Variants in MAF observed in about 807,000 individuals in gnomAD.
MAF encodes the protein MAF bZIP transcription factor.
In MAF, 10 loss-of-function variants were observed where a neutral mutation model predicts 22.0. The ratio of observed to expected loss-of-function variants is 0.45; its 90% CI spans 0.28 to 0.77. The LOEUF (loss-of-function observed/expected upper bound fraction) is 0.77, where lower values mean the gene tolerates loss of function less well. Ranked by LOEUF, MAF falls within the 30% of genes least tolerant of loss-of-function variation. MAF has a pLI of 0.12. For missense variants in MAF, 544 were observed against 548.4 expected (o/e 0.99, Z 0.08); for synonymous variants, 337 against 255.8 (o/e 1.32, Z -3.03).
the MAF span, among the ~76,000 whole-genome samples, chr16:79,292,597 C>T: frequency 4.6e-5 from 7 of 152,148 alleles, no homozygotes; most frequent in Non-Finnish European, 7.4e-5. Context: ...GCATTTGAAC[C>T]AGGCAACTCC....
chr16:79,479,503 G>A, the MAF span, among the ~76,000 whole-genome samples: 1 of 152,206 alleles, frequency 6.6e-6, no homozygotes, highest in Non-Finnish European at 1.5e-5. Context: ...ATTTGTCAGG[G>A]CGGGGCCATC....
At chr16:79,269,902 A>T in the MAF span, among the ~76,000 whole-genome samples, 2 of 152,196 alleles carry the variant, frequency 1.3e-5, no homozygotes, top group Admixed American at 6.5e-5. Flanking sequence ...AAGGTCTTGC[A>T]TATTTCCATA....
chr16:79,239,000 G>A, the MAF span, among the ~76,000 whole-genome samples: 3 of 151,942 alleles, frequency 2.0e-5, no homozygotes, highest in Non-Finnish European at 2.9e-5. Context: ...TGTCCTCACC[G>A]TGCTGGCTAC....
chr16:79,551,227 T>C, the MAF span, among the ~76,000 whole-genome samples: 4 of 152,028 alleles, frequency 2.6e-5, no homozygotes, highest in South Asian at 8.3e-4. Flanking sequence ...GGAGTCAGAC[T>C]CCCCACTGGA....
chr16:79,282,277 C>T, the MAF span, among the ~76,000 whole-genome samples: 1 of 152,126 alleles, frequency 6.6e-6, no homozygotes, highest in Non-Finnish European at 1.5e-5. Flanking sequence ...ATCCATGGCC[C>T]AGGCATTAAG....
the MAF span, among the ~76,000 whole-genome samples, chr16:79,213,567 T>C: frequency 6.6e-6 from 1 of 152,234 alleles, no homozygotes; most frequent in Non-Finnish European, 1.5e-5. Flanking sequence ...TGCTTTGCAC[T>C]GGGGCTTGCC....
the MAF span, among the ~76,000 whole-genome samples, chr16:79,286,283 T>G: frequency 6.6e-6 from 1 of 152,244 alleles, no homozygotes; most frequent in East Asian, 1.9e-4. Context: ...AAGTTTGGTT[T>G]GGAAAATGAG....
chr16:79,485,521 A>G, the MAF span, among the ~76,000 whole-genome samples: 2 of 152,340 alleles, frequency 1.3e-5, no homozygotes, highest in South Asian at 2.1e-4. Flanking sequence ...AGCCCAGCAC[A>G]TAACAACAGT....
At chr16:79,210,736 G>C in the MAF span, among the ~76,000 whole-genome samples, 1 of 152,124 alleles carries the variant, frequency 6.6e-6, no homozygotes, top group Non-Finnish European at 1.5e-5. Context: ...AAAGCAAAGT[G>C]ATTTCTTGCC....
the MAF span, among the ~76,000 whole-genome samples, chr16:79,334,949 G>A: frequency 1.3e-5 from 2 of 151,894 alleles, no homozygotes; most frequent in African/African-American, 2.4e-5. Flanking sequence ...CACTTTGGGA[G>A]GCTGAGGCGG....
the MAF span, among the ~76,000 whole-genome samples, chr16:79,431,563 T>C: frequency 6.6e-6 from 1 of 152,230 alleles, no homozygotes; most frequent in Non-Finnish European, 1.5e-5. Flanking sequence ...TTTCTCTATA[T>C]TCAAAGAAGG....
At chr16:79,574,418 A>G in the MAF span, among the ~76,000 whole-genome samples, 2 of 152,222 alleles carry the variant, frequency 1.3e-5, no homozygotes, top group Non-Finnish European at 2.9e-5. Flanking sequence ...TGATAACTAA[A>G]TACATTATTC....
At chr16:79,481,859 C>G in the MAF span, among the ~76,000 whole-genome samples, 1 of 152,184 alleles carries the variant, frequency 6.6e-6, no homozygotes, top group Non-Finnish European at 1.5e-5. Context: ...GTAGGGGAGA[C>G]AGTCACAGGA....
the MAF span, among the ~76,000 whole-genome samples, chr16:79,532,610 A>G: frequency 6.6e-6 from 1 of 152,234 alleles, no homozygotes; most frequent in Non-Finnish European, 1.5e-5. Flanking sequence ...ATTGAAATAA[A>G]GTATTCTAAT....
the MAF span, chr16:79,203,314 G>A: frequency 1.3e-5 from 2 of 152,196 alleles, no homozygotes; most frequent in African/African-American, 4.8e-5. Flanking sequence ...GTTCCAGTGA[G>A]CTCTGTATGG....
At chr16:79,342,334 G>C in the MAF span, among the ~76,000 whole-genome samples, 3,593 of 152,308 alleles carry the variant, frequency 0.024, 142 homozygotes, top group African/African-American at 0.082. Context: ...TTCACATCCA[G>C]GTGTGTCTTC....
the MAF span, among the ~76,000 whole-genome samples, chr16:79,464,128 G>C: frequency 2.6e-5 from 4 of 152,124 alleles, no homozygotes; most frequent in Non-Finnish European, 4.4e-5. Flanking sequence ...TCTCCCTTGA[G>C]GAACAAGGTC....
At chr16:79,388,789 T>C in the MAF span, among the ~76,000 whole-genome samples, 14 of 152,318 alleles carry the variant, frequency 9.2e-5, no homozygotes, top group South Asian at 1.7e-3. Context: ...TAGCCTTTTT[T>C]ATATATGTTC....
the MAF span, among the ~76,000 whole-genome samples, chr16:79,409,296 C>A: frequency 6.6e-6 from 1 of 152,174 alleles, no homozygotes; most frequent in Non-Finnish European, 1.5e-5. Flanking sequence ...CAAACGTTGG[C>A]ATGGAAAGGA....
Sources: gnomAD v4.1 joint callset for allele counts (sites outside exome capture counted in the v4.1 genomes callset) on GRCh38, gnomAD v4.1.1 for gene constraint, MANE v1.5 for transcripts, NCBI Gene and HGNC (gene_info 2026-07-23, HGNC 2026-07-21) for gene names.